Variants in SLC18A1 observed in about 807,000 individuals in gnomAD.
The protein encoded by SLC18A1 is solute carrier family 18 member A1, also known as chromaffin granule amine transporter.
Under a neutral mutation model 53.7 loss-of-function variants are expected in SLC18A1, and 69 were observed. The ratio of observed to expected loss-of-function variants is 1.28; its 90% CI spans 1.06 to 1.57. The LOEUF (loss-of-function observed/expected upper bound fraction) is 1.57. Among genes scored for constraint, SLC18A1 ranks in the 40% most tolerant of loss-of-function variants. SLC18A1 has a pLI of 0.00. For synonymous variants in SLC18A1, 320 were observed against 248.1 expected (o/e 1.29, Z -2.72); for missense variants, 932 against 668.1 (o/e 1.40, Z -4.35).
chr8:20,156,035 G>T (rs1395645756), intron 10 of SLC18A1, among the ~76,000 whole-genome samples: 1 of 152,202 alleles, frequency 6.6e-6, no homozygotes, highest in Non-Finnish European at 1.5e-5. Flanking sequence ...TCAGCTCCTT[G>T]GCGAGGGCCT....
chr8:20,148,199 C>T, intron 12 of SLC18A1, 129 bp from the exon 13 acceptor site: 1 of 783,574 alleles, frequency 1.3e-6, no homozygotes, highest in Non-Finnish European at 2.1e-6. Flanking sequence ...TCCTCCTGCA[C>T]TCTCAGACTT....
chr8:20,176,102 T>A (rs2072244764), intron 4 of SLC18A1, among the ~76,000 whole-genome samples: 1 of 152,300 alleles, frequency 6.6e-6, no homozygotes, highest in South Asian at 2.1e-4. Flanking sequence ...CATGTTGAAA[T>A]TTGATCCCCG....
chr8:20,164,660 C>T lies in SLC18A1; in HGVS notation c.1015+209G>A, dbSNP rs187631111. 1.1e-3 allele frequency among the ~76,000 whole-genome samples: 171 copies of T among 152,294 alleles called. 1 individual carries two copies. Among genetic ancestry groups the T allele is most frequent in the African/African-American group, 4.0e-3 (168 of 41,566 alleles). On this transcript the variant is annotated intron_variant, in intron 10 of 15. Transcript: ENST00000276373. The stretch of plus-strand genomic sequence containing the variant: ...TACACAGCTAGGTATGTGACCTCTC[C>T]ATAGCCCCTTTCATCCTCTCTCACC...
At chr8:20,153,446 G>A (rs1324488789) in intron 10 of SLC18A1, among the ~76,000 whole-genome samples, 2 of 152,218 alleles carry the variant, frequency 1.3e-5, no homozygotes, top group Non-Finnish European at 2.9e-5. Flanking sequence ...GGGAGGCAGA[G>A]GCGGGTGGAT....
At position 20,157,306 on chromosome 8, in the gene SLC18A1, T is replaced by A. The variant is rs758482892; in HGVS notation, c.1016-6562A>T. On this transcript the variant is annotated intron_variant, in intron 10 of 15. Coordinates refer to ENST00000276373, the MANE Select transcript of SLC18A1 (RefSeq NM_003053.4). ...ACCCCAAATGAAAGAAGGGCAGCTA[T>A]AATTGCAGCCTGAGAGTTTGGCGAT... 2.7e-4 allele frequency among the ~76,000 whole-genome samples: 41 copies of A among 152,280 alleles called. 1 individual carries two copies. The highest frequency in any genetic ancestry group is 6.5e-4 in the Admixed American group (10 of 15,290).
intron 10 of SLC18A1, among the ~76,000 whole-genome samples, chr8:20,162,561 C>T (rs34728683): frequency 0.074 from 11,249 of 152,268 alleles, 527 homozygotes; most frequent in Middle Eastern, 0.19. Context: ...TTTCTTCTGC[C>T]AGATATCCTA....
intron 10 of SLC18A1, among the ~76,000 whole-genome samples, chr8:20,163,864 G>A (rs1349289613): frequency 6.6e-6 from 1 of 152,156 alleles, no homozygotes; most frequent in Non-Finnish European, 1.5e-5. Context: ...ACTGAGAATG[G>A]TCCCTAGGCT....
At chr8:20,175,055 A>T (rs1349095219) in intron 4 of SLC18A1, among the ~76,000 whole-genome samples, 1 of 152,224 alleles carries the variant, frequency 6.6e-6, no homozygotes, top group African/African-American at 2.4e-5. Context: ...GCAAAATAAA[A>T]ATAACATCTA....
In SLC18A1 at chr8:20,147,361, G is replaced by T. The variant is rs74905782; in HGVS notation, c.1361C>A (p.Ala454Asp). The change falls in exon 15 of 16, where the codon GCC becomes GAC. Residue 454 changes from alanine to aspartate, a missense_variant. Ala to Asp is a moderately radical substitution (Grantham distance 126, BLOSUM62 -2). Transcript: ENST00000276373. ...GACCATGAGCCAGGGAAAACCGATG[G>T]CCTTTACAATGGCACCACCGGTGGA... ...GPSTGGAIVKAIGFPWLMVIT... is the reference protein window; with the variant it reads ...GPSTGGAIVKDIGFPWLMVIT... 41 of 1,612,644 alleles carry T rather than the reference G, an allele frequency of 2.5e-5. No individual in the cohort carries two copies. The highest frequency in any genetic ancestry group is 3.5e-5 in the Non-Finnish European group (41 of 1,179,642).
chr8:20,145,605 A>C lies in SLC18A1; in HGVS notation c.*158T>G, dbSNP rs2071373605. ...AAGAGCTACAAGTTACACAGGTGAG[A>C]AGAGTATCAGGGACAGTGTCCATGG... On this transcript the variant is annotated 3_prime_UTR_variant, in exon 16 of 16. Coordinates refer to ENST00000276373, the MANE Select transcript of SLC18A1 (RefSeq NM_003053.4). 5 of 481,986 alleles carry C rather than the reference A, an allele frequency of 1.0e-5. No individual in the cohort carries two copies. Among genetic ancestry groups the C allele is most frequent in the Non-Finnish European group, 1.8e-5 (5 of 271,446 alleles). 29.9% of individuals were successfully genotyped at this position (481,986 alleles called of 1,614,324 possible). A position where few individuals can be genotyped will look rare whatever the true frequency, so the allele number is the denominator to read the frequency against.
intron 6 of SLC18A1, among the ~76,000 whole-genome samples, chr8:20,172,774 C>A (rs1367098774): frequency 6.6e-6 from 1 of 152,156 alleles, no homozygotes; most frequent in African/African-American, 2.4e-5. Flanking sequence ...TGCATGGGAA[C>A]CGAGGCGAAG....
intron 2 of SLC18A1, 151 bp from the exon 3 acceptor site, chr8:20,179,635 A>G: frequency 9.0e-7 from 1 of 1,109,210 alleles, no homozygotes; most frequent in Non-Finnish European, 1.3e-6. Flanking sequence ...TACCACTACT[A>G]GGATCAGGGG....
At chr8:20,167,078 T>C (rs2071986391) in intron 8 of SLC18A1, among the ~76,000 whole-genome samples, 1 of 151,852 alleles carries the variant, frequency 6.6e-6, no homozygotes, top group Non-Finnish European at 1.5e-5. Context: ...TTCTGGCATC[T>C]TGAACAGACT....
rs1235212014 is a variant in SLC18A1 at position 20,166,287 on chromosome 8, G to GTGTGTATATATA, written c.859-1181_859-1180insTATATATACACA. On this transcript the variant is annotated intron_variant, in intron 8 of 15. Transcript: ENST00000276373. ...CAAAATTGTGTGTGGGTGTGTGTGT[G>GTGTGTATATATA]TCTATATATATATATATATATATAT... 1.2e-3 allele frequency among the ~76,000 whole-genome samples: 97 copies of GTGTGTATATATA among 78,966 alleles called. 10 individuals carry two copies. The highest frequency in any genetic ancestry group is 2.9e-3 in the East Asian group (6 of 2,042). 51.8% of individuals were successfully genotyped at this position (78,966 alleles called of 152,430 possible).
chr8:20,171,637 A>G, intron 6 of SLC18A1, 143 bp from the exon 7 acceptor site: 2 of 665,346 alleles, frequency 3.0e-6, no homozygotes, highest in Non-Finnish European at 5.4e-6. Context: ...TCAGAGATGG[A>G]GACATGATCC....
At chr8:20,150,871 T>C in intron 10 of SLC18A1, 127 bp from the exon 11 acceptor site, 2 of 805,280 alleles carry the variant, frequency 2.5e-6, no homozygotes, top group South Asian at 1.5e-5. Flanking sequence ...TGTTTTATGA[T>C]CTGGGGACCT....
intron 6 of SLC18A1, 77 bp downstream of exon 6, chr8:20,172,959 G>T: frequency 9.7e-7 from 1 of 1,025,898 alleles, no homozygotes; most frequent in Non-Finnish European, 1.5e-6. Context: ...GAAAATACTC[G>T]TCTTCTACAC....
intron 10 of SLC18A1, among the ~76,000 whole-genome samples, chr8:20,152,515 G>C (rs557363436): frequency 6.6e-6 from 1 of 152,262 alleles, no homozygotes; most frequent in Non-Finnish European, 1.5e-5. Context: ...GCGGGAGTGA[G>C]GAGGGGAAGT....
At chr8:20,166,471 A>C (rs181153847) in intron 8 of SLC18A1, among the ~76,000 whole-genome samples, 1 of 151,696 alleles carries the variant, frequency 6.6e-6, no homozygotes, top group East Asian at 1.9e-4. Flanking sequence ...AAAGGGAAAA[A>C]TAAGAAAACA....
Sources: gnomAD v4.1 joint callset for allele counts (sites outside exome capture counted in the v4.1 genomes callset) on GRCh38, gnomAD v4.1.1 for gene constraint, MANE v1.5 for transcripts, NCBI Gene and HGNC (gene_info 2026-07-23, HGNC 2026-07-21) for gene names.